The following BICD1 variants were observed in gnomAD, a reference collection of about 807,000 sequenced individuals.
BICD1 encodes the protein BICD cargo adaptor 1.
Under a neutral mutation model 92.5 loss-of-function variants are expected in BICD1, and 35 were observed. That is an observed-to-expected ratio of 0.38 (90% CI 0.29 to 0.50). The LOEUF (loss-of-function observed/expected upper bound fraction) is 0.50. BICD1 is among the 20% of genes least tolerant of loss of function. The pLI, the probability that BICD1 is intolerant of heterozygous loss-of-function variation, is 0.93. For missense variants in BICD1, 950 were observed against 1,189.8 expected, an observed-to-expected ratio of 0.80 and a Z score of 2.97; for synonymous variants, 429 against 465.1, an observed-to-expected ratio of 0.92 and a Z score of 1.00.
chr12:32,369,132 T>C (rs1364715401), intron 9 of BICD1, among the ~76,000 whole-genome samples: 3 of 152,262 alleles, frequency 2.0e-5, no homozygotes, highest in Non-Finnish European at 4.4e-5. Flanking sequence ...TCCTGAACAC[T>C]GAACTGGAGA....
intron 8 of BICD1, among the ~76,000 whole-genome samples, chr12:32,343,236 G>T (rs1215156033): frequency 2.6e-5 from 4 of 152,166 alleles, no homozygotes; most frequent in Non-Finnish European, 5.9e-5. Flanking sequence ...ACAGCAGATT[G>T]TATGTCTTCA....
chr12:32,184,397 C>T, intron 1 of BICD1, among the ~76,000 whole-genome samples: 1 of 152,122 alleles, frequency 6.6e-6, no homozygotes, highest in African/African-American at 2.4e-5. Context: ...AGCGATTCTC[C>T]TGCCTCAGCC....
chr12:32,114,134 G>A (rs1941804484), intron 1 of BICD1, among the ~76,000 whole-genome samples: 1 of 152,092 alleles, frequency 6.6e-6, no homozygotes, highest in Non-Finnish European at 1.5e-5. Context: ...GCCTCCGAAA[G>A]TGCTGGGATT....
chr12:32,216,561 T>C (rs1945369101), intron 2 of BICD1, 102 bp downstream of exon 2: 2 of 1,277,920 alleles, frequency 1.6e-6, no homozygotes, highest in Admixed American at 2.4e-5. Flanking sequence ...TCAGAGGAGC[T>C]GTATTAAGCA....
chr12:32,303,991 C>T (rs866351587), intron 3 of BICD1, among the ~76,000 whole-genome samples: 3 of 151,998 alleles, frequency 2.0e-5, no homozygotes, highest in Non-Finnish European at 2.9e-5. Flanking sequence ...AGGAGAATGG[C>T]GTCAACCAGG....
rs200880177 is a variant in BICD1 at position 32,327,446 on chromosome 12, C to A, written c.1006-15C>A. On this transcript the variant is annotated splice_polypyrimidine_tract_variant and intron_variant, in intron 4 of 9. Coordinates refer to ENST00000652176, the MANE Select transcript of BICD1 (RefSeq NM_001714.4). Reference sequence around the variant, plus strand: ...TGCCTTGAGGTGATTCAGAAACTTTCTTTTGCCATTGCAGGTAGAGCGGGA... The same window carrying A: ...TGCCTTGAGGTGATTCAGAAACTTTATTTTGCCATTGCAGGTAGAGCGGGA... 114 of 1,582,462 alleles carry A rather than the reference C, an allele frequency of 7.2e-5. 1 individual carries two copies. Among genetic ancestry groups the A allele is most frequent in the Non-Finnish European group, 9.8e-5 (114 of 1,162,314 alleles).
intron 1 of BICD1, among the ~76,000 whole-genome samples, chr12:32,138,190 T>G (rs1942796356): frequency 6.6e-6 from 1 of 152,250 alleles, no homozygotes. Flanking sequence ...AGATAGCATA[T>G]GCCTCATTAG....
chr12:32,124,013 T>A (rs1375677530), intron 1 of BICD1, among the ~76,000 whole-genome samples: 1 of 152,248 alleles, frequency 6.6e-6, no homozygotes, highest in African/African-American at 2.4e-5. Context: ...TGGTTCCTTG[T>A]ACCTGAATCT....
chr12:32,191,784 G>A (rs1400707232), intron 1 of BICD1, among the ~76,000 whole-genome samples: 5 of 150,818 alleles, frequency 3.3e-5, no homozygotes, highest in African/African-American at 1.2e-4. Context: ...ATCACAGACT[G>A]TCCCCATGTA....
chr12:32,201,063 G>A lies in BICD1; in HGVS notation c.214-15184G>A, dbSNP rs73297282. On this transcript the variant is annotated intron_variant, in intron 1 of 9. Transcript: ENST00000652176. ...TGTACTAACTGCAAGATCAGGAATC[G>A]TCCCTCATTACTTCCATCTTGGCTT... is the stretch of plus-strand genomic sequence containing the variant. 9.7e-3 allele frequency among the ~76,000 whole-genome samples: 1,480 copies of A among 152,262 alleles called. 10 individuals carry two copies. The highest frequency in any genetic ancestry group is 0.013 in the Non-Finnish European group (898 of 68,002).
intron 4 of BICD1, among the ~76,000 whole-genome samples, chr12:32,319,013 T>A (rs1428032535): frequency 6.6e-6 from 1 of 152,244 alleles, no homozygotes; most frequent in Non-Finnish European, 1.5e-5. Flanking sequence ...TACTTGCTTA[T>A]TAGTCCTAAT....
At chr12:32,251,105 CATT>C (rs1329195883) in intron 2 of BICD1, among the ~76,000 whole-genome samples, 2 of 152,130 alleles carry the variant, frequency 1.3e-5, no homozygotes, top group African/African-American at 4.8e-5. Context: ...ATGTTTACCT[CATT>C]ATTTTCTGAC....
chr12:32,159,925 G>A (rs138416664), intron 1 of BICD1, among the ~76,000 whole-genome samples: 74 of 113,670 alleles, frequency 6.5e-4, no homozygotes, highest in African/African-American at 1.9e-3. Context: ...CTTTAGGATG[G>A]TTTGGGCCTG....
chr12:32,339,665 A>G (rs1463853379), intron 8 of BICD1: 1 of 985,296 alleles, frequency 1.0e-6, no homozygotes, highest in Admixed American at 6.2e-5. Context: ...AATAGAGAAA[A>G]TTATTCTTGC....
rs756412246 is a variant in BICD1 at position 32,328,069 on chromosome 12, T to C, written c.1614T>C (p.Tyr538=). Residue 538 remains tyrosine (Y), a synonymous_variant, in exon 5 of 10, where the codon TAT becomes TAC. Coordinates refer to ENST00000652176, the MANE Select transcript of BICD1 (RefSeq NM_001714.4). This position sits in a 1 kb window ranked among gnomAD's most constrained non-coding sequence, Gnocchi z 4.4. ...CCAACAGGGTCATGCTGGATTACTATAGGCAGAGCAGAGTCACCCGCAGTG... is the reference window on the plus strand; with the variant it reads ...CCAACAGGGTCATGCTGGATTACTACAGGCAGAGCAGAGTCACCCGCAGTG... ...ETPNRVMLDY[Y]RQSRVTRSGS... is the part of the protein sequence containing the mutation. 1.7e-5 allele frequency: 27 copies of C among 1,614,026 alleles called. No individual in the cohort carries two copies. The Admixed American group carries it at 4.0e-4, about 24-fold the overall frequency.
In BICD1 at chr12:32,257,811, T is replaced by C. The variant is rs573033020; in HGVS notation, c.427-36183T>C. 2.3e-3 allele frequency among the ~76,000 whole-genome samples: 353 copies of C among 152,346 alleles called. 2 individuals are homozygous for C. The highest frequency in any genetic ancestry group is 8.2e-3 in the African/African-American group (340 of 41,592). ...TGGAACCTTATGTTTGTGCAGTTTA[T>C]TCAAGTGGTTGCATGTGGCCACAGT... On this transcript the variant is annotated intron_variant, in intron 2 of 9. Coordinates refer to ENST00000652176, the MANE Select transcript of BICD1 (RefSeq NM_001714.4).
intron 4 of BICD1, among the ~76,000 whole-genome samples, chr12:32,325,639 A>T (rs961267369): frequency 6.6e-6 from 1 of 152,244 alleles, no homozygotes; most frequent in African/African-American, 2.4e-5. Flanking sequence ...ACACATGTGT[A>T]TCCTAAAGTA....
intron 2 of BICD1, among the ~76,000 whole-genome samples, chr12:32,239,332 C>T (rs1181038440): frequency 1.3e-5 from 2 of 150,750 alleles, no homozygotes; most frequent in East Asian, 2.0e-4. Context: ...TTTGGGAGGC[C>T]GAGGCAGGCG....
intron 8 of BICD1, among the ~76,000 whole-genome samples, chr12:32,344,694 A>G (rs1938504325): frequency 6.6e-6 from 1 of 152,180 alleles, no homozygotes; most frequent in Non-Finnish European, 1.5e-5. Flanking sequence ...CATGTTCTGT[A>G]TGTGGAAGGA....
Sources: gnomAD v4.1 joint callset for allele counts (sites outside exome capture counted in the v4.1 genomes callset) on GRCh38, gnomAD v4.1.1 for gene constraint, Gnocchi (gnomAD v3.1) non-coding constraint, MANE v1.5 for transcripts, NCBI Gene and HGNC (gene_info 2026-07-23, HGNC 2026-07-21) for gene names.